The following MUC17 variants were observed in gnomAD, a reference collection of about 807,000 sequenced individuals.
MUC17 encodes the protein mucin 17, cell surface associated.
A neutral mutation model predicts 170.3 loss-of-function variants in MUC17; 190 were observed. The observed-to-expected ratio is 1.12, with a 90% CI of 0.99 to 1.26. MUC17 has a LOEUF of 1.26. MUC17 is among the 50% of genes most tolerant of loss of function. The pLI, the probability that MUC17 is intolerant of heterozygous loss-of-function variation, is 0.00. For missense variants in MUC17, 6,415 were observed against 5,530.0 expected (o/e 1.16, Z -5.08); for synonymous variants, 2,325 against 2,002.5 (o/e 1.16, Z -4.30).
intron 7 of MUC17, among the ~76,000 whole-genome samples, chr7:101,051,257 T>A (rs1447760693): frequency 6.8e-6 from 1 of 146,072 alleles, no homozygotes; most frequent in Admixed American, 7.1e-5. Context: ...TCTAGCTACT[T>A]GGGAGGCTGA....
At chr7:101,028,381 G>A (rs1466333676) in intron 1 of MUC17, among the ~76,000 whole-genome samples, 1 of 151,886 alleles carries the variant, frequency 6.6e-6, no homozygotes, top group Non-Finnish European at 1.5e-5. Context: ...AAGCCACCGC[G>A]TCCAGATCAT....
chr7:101,047,398 G>A (rs1395769072), intron 3 of MUC17, among the ~76,000 whole-genome samples: 1 of 152,184 alleles, frequency 6.6e-6, no homozygotes, highest in Non-Finnish European at 1.5e-5. Context: ...GCTGGACTAG[G>A]ACTGGGTGGA....
In MUC17 at chr7:101,043,290, T is replaced by C. The variant is rs546733651; in HGVS notation, c.11874T>C (p.Thr3958=). Residue 3958 remains threonine (T), a synonymous_variant, in exon 3 of 13, where the codon ACT becomes ACC. Transcript: ENST00000306151. ...SSTADVFPAT[T]GAVSTPVITS... The stretch of plus-strand genomic sequence containing the variant: ...CTGCTGATGTCTTTCCTGCAACAAC[T>C]GGTGCTGTATCTACCCCTGTGATAA... 1 of 1,614,176 alleles carries C rather than the reference T, an allele frequency of 6.2e-7. No homozygotes were observed. Among genetic ancestry groups the C allele is most frequent in the South Asian group, 1.1e-5 (1 of 91,086 alleles).
rs1218736775 is a variant in MUC17, at chr7:101,037,310, C to A, written c.5894C>A (p.Ser1965Ter). The A allele has an allele frequency of 1.9e-6, 3 of 1,614,008 alleles. No individual in the cohort carries two copies. Among genetic ancestry groups the A allele is most frequent in the Non-Finnish European group, 2.5e-6 (3 of 1,179,902 alleles). The change falls in exon 3 of 13, where the codon TCA becomes TAA. Residue 1965 changes from serine (S) to a stop codon, truncating the protein, a stop_gained. Transcript: ENST00000306151. LOFTEE classifies it high-confidence loss of function. ...TPVTTYSQAS[S>*]SPTTADGTSM... ...GTGACCACTTATTCTCAAGCCAGTT[C>A]ATCTCCTACAACTGCTGATGGTACC...
In MUC17 at chr7:101,034,638, C is replaced by T. The variant is rs1794403690; in HGVS notation, c.3222C>T (p.Thr1074=). 3.1e-6 allele frequency: 5 copies of T among 1,603,852 alleles called. No homozygotes were observed. The highest frequency in any genetic ancestry group is 4.3e-6 in the Non-Finnish European group (5 of 1,173,082). The part of the protein sequence containing the change: ...TTPADTSTPV[T]TYSQASSSST... ...CTGCTGACACCAGCACACCTGTGAC[C>T]ACTTATTCTCAAGCCAGTTCATCTT... Residue 1074 remains threonine (T), a synonymous_variant, in exon 3 of 13, where the codon ACC becomes ACT. Coordinates refer to ENST00000306151, the MANE Select transcript of MUC17 (RefSeq NM_001040105.2).
chr7:101,058,331 CA>C lies in MUC17; in HGVS notation c.*288del. 3.7e-6 allele frequency: 1 copy of C among 269,756 alleles called. No homozygotes were observed. Among genetic ancestry groups the C allele is most frequent in the South Asian group, 1.0e-4 (1 of 9,566 alleles). The allele number at this position is 269,756 out of a possible 1,614,324, so 16.7% of individuals were successfully genotyped here. A position where few individuals can be genotyped will look rare whatever the true frequency, so the allele number is the denominator to read the frequency against. On this transcript the variant is annotated 3_prime_UTR_variant, in exon 13 of 13. Transcript: ENST00000306151. ...AGGGTACTCTGACTGCAACATCTTT[CA>C]CCCCATTGATCGCCAGGATTGATTT... is the stretch of plus-strand genomic sequence containing the variant.
rs371152125 is a variant in MUC17 at position 101,039,532 on chromosome 7, A to G, written c.8116A>G (p.Asn2706Asp). Residue 2706 changes from asparagine to aspartate, a missense_variant, in exon 3 of 13, where the codon AAT becomes GAT. Coordinates refer to ENST00000306151, the MANE Select transcript of MUC17 (RefSeq NM_001040105.2). ...ACTTGTCAGCACCACGCTGTTGGCC[A>G]ATTCTGAGGCTAGCACCCTTTCAAC... ...NILVSTTLLA[N>D]SEASTLSTTP... 6.2e-7 allele frequency: 1 copy of G among 1,611,718 alleles called. No homozygotes were observed. Among genetic ancestry groups the G allele is most frequent in the Non-Finnish European group, 8.5e-7 (1 of 1,178,788 alleles).
In MUC17 at chr7:101,033,822, T is replaced by C. The variant is rs1454860696; in HGVS notation, c.2406T>C (p.Ser802=). ...EGTSMPISTP[S]EGSPLLTSIP... is the part of the protein sequence containing the mutation. ...CCAGCATGCCAATCTCAACTCCTAG[T>C]GAAGGAAGTCCTTTATTAACAAGTA... Residue 802 remains serine, a synonymous_variant, in exon 3 of 13, where the codon AGT becomes AGC. Coordinates refer to ENST00000306151, the MANE Select transcript of MUC17 (RefSeq NM_001040105.2). The C allele has an allele frequency of 1.9e-6, 3 of 1,613,412 alleles. No homozygotes were observed. Among genetic ancestry groups the C allele is most frequent in the East Asian group, 4.5e-5 (2 of 44,810 alleles).
In MUC17 at chr7:101,038,648, G is replaced by T. The variant is rs1302169062; in HGVS notation, c.7232G>T (p.Ser2411Ile). The T allele has an allele frequency of 1.2e-6, 2 of 1,613,494 alleles. No homozygotes were observed. Among genetic ancestry groups the T allele is most frequent in the African/African-American group, 2.7e-5 (2 of 74,710 alleles). Residue 2411 changes from serine (S) to isoleucine (I), a missense_variant, in exon 3 of 13, where the codon AGT becomes ATT. Transcript: ENST00000306151. ...SVPVSTMPVVSSEASTHSTTP... is the reference protein window; with the variant it reads ...SVPVSTMPVVISEASTHSTTP... ...CCTGTCAGCACCATGCCGGTGGTCA[G>T]TTCTGAGGCTAGCACCCATTCCACA... is the stretch of plus-strand genomic sequence containing the variant.
intron 3 of MUC17, among the ~76,000 whole-genome samples, chr7:101,044,330 A>G (rs1694895054): frequency 6.6e-6 from 1 of 152,230 alleles, no homozygotes; most frequent in Admixed American, 6.5e-5. Flanking sequence ...CAACCCCATC[A>G]AAAAGTGGGC....
chr7:101,034,086 T>G lies in MUC17; in HGVS notation c.2670T>G (p.Val890=). 1 of 1,584,822 alleles carries G rather than the reference T, an allele frequency of 6.3e-7. No individual in the cohort carries two copies. Among genetic ancestry groups the G allele is most frequent in the Non-Finnish European group, 8.6e-7 (1 of 1,165,098 alleles). Reference sequence around the variant, plus strand: ...TCAGCACCCTTTCAACAACTCCTGTTGACACCAGCACACCTGTGACCAATT... The same window carrying G: ...TCAGCACCCTTTCAACAACTCCTGTGGACACCAGCACACCTGTGACCAATT... The part of the protein sequence containing the change: ...SAISTLSTTP[V]DTSTPVTNST... Residue 890 remains valine, a synonymous_variant, in exon 3 of 13, where the codon GTT becomes GTG. Transcript: ENST00000306151.
intron 11 of MUC17, 69 bp from the exon 12 acceptor site, chr7:101,056,125 T>C (rs1255827633): frequency 6.2e-7 from 1 of 1,605,980 alleles, no homozygotes; most frequent in African/African-American, 1.3e-5. Flanking sequence ...TCAGATGGGA[T>C]TAAAGGGAGA....
At chr7:101,056,079 T>C (rs548121977) in intron 11 of MUC17, 115 bp from the exon 12 acceptor site, 2 of 1,457,654 alleles carry the variant, frequency 1.4e-6, no homozygotes, top group South Asian at 2.5e-5. Context: ...GGGTTTGCAG[T>C]TTCCTAGGGG....
intron 1 of MUC17, among the ~76,000 whole-genome samples, chr7:101,030,066 A>C (rs1219129021): frequency 6.6e-6 from 1 of 152,166 alleles, no homozygotes; most frequent in African/African-American, 2.4e-5. Context: ...AAACTTTCCC[A>C]CACATAGATT....
rs1374871757 is a variant in MUC17 at position 101,058,857 on chromosome 7, T to C, written c.*813T>C. The C allele has an allele frequency of 3.9e-5, 6 of 152,074 alleles. No homozygotes were observed. Among genetic ancestry groups the C allele is most frequent in the African/African-American group, 1.4e-4 (6 of 41,420 alleles). The allele number at this position is 152,074 out of a possible 1,614,324, so 9.4% of individuals were successfully genotyped here. A position where few individuals can be genotyped will look rare whatever the true frequency, so the allele number is the denominator to read the frequency against. ...AATAATAAAGCAATTTTATTACAAT[T>C]TTCATGGTTCCCAGATCTTTCCTCC... On this transcript the variant is annotated 3_prime_UTR_variant, in exon 13 of 13. Coordinates refer to ENST00000306151, the MANE Select transcript of MUC17 (RefSeq NM_001040105.2).
intron 5 of MUC17, 144 bp from the exon 6 acceptor site, chr7:101,049,180 G>A: frequency 7.1e-7 from 1 of 1,409,560 alleles, no homozygotes; most frequent in Non-Finnish European, 9.9e-7. Flanking sequence ...GGTGGAGCAG[G>A]TCTCTGGAAA....
At chr7:101,025,836 T>C (rs551366188) in intron 1 of MUC17, among the ~76,000 whole-genome samples, 1 of 150,108 alleles carries the variant, frequency 6.7e-6, no homozygotes, top group Admixed American at 6.6e-5. Flanking sequence ...TGCATGCCTG[T>C]AGTCCCAGCT....
At chr7:101,022,056 C>T (rs1794100430) in intron 1 of MUC17, among the ~76,000 whole-genome samples, 1 of 152,154 alleles carries the variant, frequency 6.6e-6, no homozygotes, top group Non-Finnish European at 1.5e-5. Flanking sequence ...GGTGCTCAGT[C>T]ACCTGTCCAT....
At position 101,051,793 on chromosome 7, in the gene MUC17, C is replaced by A. The variant is rs1794950047; in HGVS notation, c.12944-10C>A. ...TCACGGCTGTTCCCTGTCCCTGCAC[C>A]CCCCACCAGAGGACTGCCGGAAGAT... On this transcript the variant is annotated splice_polypyrimidine_tract_variant and intron_variant, in intron 8 of 12. Transcript: ENST00000306151. 1.9e-6 allele frequency: 3 copies of A among 1,612,110 alleles called. No individual in the cohort carries two copies. Among genetic ancestry groups the A allele is most frequent in the Non-Finnish European group, 2.5e-6 (3 of 1,178,690 alleles).
Sources: allele counts gnomAD v4.1 joint callset (sites outside exome capture counted in the v4.1 genomes callset), GRCh38; gene constraint gnomAD v4.1.1; transcripts MANE v1.5; gene names NCBI Gene and HGNC (gene_info 2026-07-23, HGNC 2026-07-21).